The following CFAP299 variants were observed in gnomAD, a reference collection of about 807,000 sequenced individuals.
CFAP299 encodes the protein cilia and flagella associated protein 299.
CFAP299 carries 21 observed loss-of-function variants against 27.0 expected under a neutral mutation model. That is an observed-to-expected ratio of 0.78 (90% CI 0.55 to 1.12). CFAP299 has a LOEUF of 1.12. CFAP299 is among the 50% of genes most tolerant of loss of function. CFAP299 has a pLI of 0.00. For synonymous variants in CFAP299, 104 were observed against 98.1 expected, an observed-to-expected ratio of 1.06 and a Z score of -0.36; for missense variants, 310 against 276.6, an observed-to-expected ratio of 1.12 and a Z score of -0.86.
At chr4:80,902,578 G>GT (rs1204311949) in intron 4 of CFAP299, among the ~76,000 whole-genome samples, 6 of 56,444 alleles carry the variant, frequency 1.1e-4, no homozygotes, top group African/African-American at 4.8e-4. Context: ...CCATATATAT[G>GT]TAATATATAC....
intron 2 of CFAP299, among the ~76,000 whole-genome samples, chr4:80,479,118 T>C (rs1023376382): frequency 2.0e-5 from 3 of 151,972 alleles, no homozygotes; most frequent in African/African-American, 7.2e-5. Context: ...ACCTAAGAAA[T>C]GATATAACAA....
At chr4:80,497,026 T>A (rs554638410) in intron 2 of CFAP299, among the ~76,000 whole-genome samples, 1 of 152,192 alleles carries the variant, frequency 6.6e-6, no homozygotes, top group East Asian at 1.9e-4. Context: ...AGGTATCTGC[T>A]CCCATAATCC....
chr4:80,855,548 C>T (rs953956218), intron 3 of CFAP299, among the ~76,000 whole-genome samples: 3 of 152,058 alleles, frequency 2.0e-5, no homozygotes, highest in Non-Finnish European at 2.9e-5. Context: ...CAATGCTATC[C>T]CTCCCCTCTC....
intron 1 of CFAP299, among the ~76,000 whole-genome samples, chr4:80,343,099 AG>A (rs753934926): frequency 5.3e-5 from 8 of 152,232 alleles, no homozygotes; most frequent in Non-Finnish European, 1.2e-4. Flanking sequence ...ATAATGAGAA[AG>A]GGTTCAACTC....
At chr4:80,388,606 A>C in intron 2 of CFAP299, 1 of 1,406,268 alleles carries the variant, frequency 7.1e-7, no homozygotes, top group Non-Finnish European at 1.0e-6. Flanking sequence ...ACGCATTGAC[A>C]CTCTGGCCTC....
At chr4:80,362,638 T>C in intron 1 of CFAP299, 116 bp from the exon 2 acceptor site, 1 of 1,129,628 alleles carries the variant, frequency 8.9e-7, no homozygotes, top group Non-Finnish European at 1.2e-6. Context: ...TAAATACATT[T>C]AATTTTTCAT....
chr4:80,588,920 GA>G (rs1736583504), intron 3 of CFAP299, among the ~76,000 whole-genome samples: 1 of 152,132 alleles, frequency 6.6e-6, no homozygotes, highest in Non-Finnish European at 1.5e-5. Flanking sequence ...GAGGCACGAA[GA>G]GGTTGAACAT....
At chr4:80,386,306 T>G in intron 2 of CFAP299, 1 of 1,292,526 alleles carries the variant, frequency 7.7e-7, no homozygotes, top group South Asian at 1.2e-5. Flanking sequence ...CCAGCTCAGA[T>G]TCTGTGCCCA....
intron 2 of CFAP299, among the ~76,000 whole-genome samples, chr4:80,521,266 C>T (rs1732897527): frequency 6.6e-6 from 1 of 152,114 alleles, no homozygotes; most frequent in African/African-American, 2.4e-5. Context: ...CACAGTATTT[C>T]CCTAGGCACA....
chr4:80,682,193 T>G (rs1719884169), intron 3 of CFAP299, among the ~76,000 whole-genome samples: 1 of 152,192 alleles, frequency 6.6e-6, no homozygotes, highest in Non-Finnish European at 1.5e-5. Flanking sequence ...ATAAAAATAG[T>G]TTTATGGTAA....
rs148680364 is a variant in CFAP299 at position 80,367,125 on chromosome 4, G to A, written c.242+4241G>A. Among the ~76,000 whole-genome samples the A allele has an allele frequency of 3.3e-3, 506 of 152,222 alleles. 7 individuals carry two copies. Among genetic ancestry groups the A allele is most frequent in the African/African-American group, 0.012 (483 of 41,536 alleles). On this transcript the variant is annotated intron_variant, in intron 2 of 5. Coordinates refer to ENST00000358105, the MANE Select transcript of CFAP299 (RefSeq NM_152770.3). ...TGATAATATGTGTAAATAGACATTG[G>A]TGATAATTGCATAACTTTGTAAATA... is the stretch of plus-strand genomic sequence containing the variant.
At chr4:80,505,030 A>G (rs1236853088) in intron 2 of CFAP299, among the ~76,000 whole-genome samples, 4 of 149,214 alleles carry the variant, frequency 2.7e-5, no homozygotes, top group African/African-American at 9.8e-5. Context: ...TTATATGTCA[A>G]TAAATCATTT....
chr4:80,835,164 T>C (rs867337779), intron 3 of CFAP299, among the ~76,000 whole-genome samples: 1 of 152,144 alleles, frequency 6.6e-6, no homozygotes, highest in Non-Finnish European at 1.5e-5. Flanking sequence ...TCGCCCAGGC[T>C]GCAGTGCAGT....
At chr4:80,606,808 A>G (rs1334388390) in intron 3 of CFAP299, among the ~76,000 whole-genome samples, 7 of 148,358 alleles carry the variant, frequency 4.7e-5, no homozygotes, top group Admixed American at 4.6e-4. Context: ...TTAAATCTAC[A>G]CTCTAAATTA....
chr4:80,728,337 TA>T (rs1308643504), intron 3 of CFAP299, among the ~76,000 whole-genome samples: 8 of 152,166 alleles, frequency 5.3e-5, no homozygotes, highest in Non-Finnish European at 1.5e-5. Flanking sequence ...AATAATACAC[TA>T]AAAAGTATTG....
At chr4:80,702,821 A>G (rs577845534) in intron 3 of CFAP299, among the ~76,000 whole-genome samples, 1 of 151,954 alleles carries the variant, frequency 6.6e-6, no homozygotes, top group Admixed American at 6.6e-5. Context: ...ACTCAAAACA[A>G]TTCCAATCAA....
intron 4 of CFAP299, among the ~76,000 whole-genome samples, chr4:80,893,695 G>T (rs904032496): frequency 6.6e-6 from 1 of 150,678 alleles, no homozygotes; most frequent in African/African-American, 2.5e-5. Context: ...CCCTTATCTT[G>T]CAATGTATAT....
intron 4 of CFAP299, among the ~76,000 whole-genome samples, chr4:80,929,402 G>A (rs529177976): frequency 7.6e-3 from 1,071 of 141,636 alleles, no homozygotes; most frequent in African/African-American, 0.028. Context: ...CAGTCTCTGT[G>A]GCACCACTAT....
At chr4:80,354,585 C>T (rs1723169460) in intron 1 of CFAP299, among the ~76,000 whole-genome samples, 1 of 151,978 alleles carries the variant, frequency 6.6e-6, no homozygotes, top group South Asian at 2.1e-4. Context: ...CTAAAAGTGT[C>T]ATGGGGATTT....
Sources: gnomAD v4.1 joint callset for allele counts (sites outside exome capture counted in the v4.1 genomes callset) on GRCh38, gnomAD v4.1.1 for gene constraint, MANE v1.5 for transcripts, NCBI Gene and HGNC (gene_info 2026-07-23, HGNC 2026-07-21) for gene names.